The following RTL4 variants were observed in gnomAD, a reference collection of about 807,000 sequenced individuals.
RTL4 encodes retrotransposon Gag like 4, also known as retrotransposon Gag-like protein 4.
RTL4 carries 4 observed loss-of-function variants against 5.3 expected under a neutral mutation model. That is an observed-to-expected ratio of 0.75 (90% CI 0.37 to 1.72). RTL4 has a LOEUF of 1.72. RTL4 is among the 40% of genes most tolerant of loss of function. RTL4 has a pLI of 0.04. For synonymous variants in RTL4, 98 were observed against 87.3 expected, an observed-to-expected ratio of 1.12 and a Z score of -0.68; for missense variants, 260 against 227.1, an observed-to-expected ratio of 1.14 and a Z score of -0.93.
the RTL4 span, among the ~76,000 whole-genome samples, chrX:112,208,913 C>T: frequency 8.9e-6 from 1 of 112,266 alleles, no homozygotes; most frequent in Non-Finnish European, 1.9e-5. Context: ...ACTCTAAGAC[C>T]TTTGTTATCT....
At chrX:112,293,093 C>A in the RTL4 span, among the ~76,000 whole-genome samples, 2 of 112,223 alleles carry the variant, frequency 1.8e-5, no homozygotes, top group Non-Finnish European at 3.8e-5. Flanking sequence ...CTTTGATCTT[C>A]TTCTTATGAT....
the RTL4 span, among the ~76,000 whole-genome samples, chrX:112,234,012 G>GGC: frequency 1.8e-5 from 2 of 109,934 alleles, no homozygotes; most frequent in Admixed American, 1.9e-4. Context: ...CTAACACAGT[G>GGC]AAACCCCGTC....
the RTL4 span, among the ~76,000 whole-genome samples, chrX:112,425,056 G>C: frequency 9.0e-6 from 1 of 111,009 alleles, no homozygotes; most frequent in South Asian, 3.8e-4. Context: ...TAGTTTCACT[G>C]CCCTAAAATC....
the RTL4 span, among the ~76,000 whole-genome samples, chrX:112,145,111 G>C: frequency 5.4e-5 from 6 of 110,935 alleles, no homozygotes; most frequent in African/African-American, 2.0e-4. Flanking sequence ...GTGATGTTTC[G>C]AACTTCTTCA....
At chrX:112,396,560 C>T in the RTL4 span, among the ~76,000 whole-genome samples, 4 of 110,901 alleles carry the variant, frequency 3.6e-5, no homozygotes, top group Admixed American at 9.6e-5. Flanking sequence ...TTTAGACATA[C>T]GGAAAAATTG....
chrX:112,124,336 ATATAAATCATTTTAC>A, the RTL4 span, among the ~76,000 whole-genome samples: 1 of 111,955 alleles, frequency 8.9e-6, no homozygotes. Flanking sequence ...ACCCAAAGTA[ATATAAATCATTTTAC>A]TATAAAGATG....
At chrX:112,120,602 T>G in the RTL4 span, among the ~76,000 whole-genome samples, 1 of 101,019 alleles carries the variant, frequency 9.9e-6, no homozygotes, top group Non-Finnish European at 2.0e-5. Flanking sequence ...TTTTTAGCAC[T>G]TGGAAGATCA....
the RTL4 span, among the ~76,000 whole-genome samples, chrX:112,409,803 A>G: frequency 9.0e-6 from 1 of 111,455 alleles, no homozygotes; most frequent in Non-Finnish European, 1.9e-5. Context: ...ACAGGAAAGA[A>G]GGGAAGAAGG....
chrX:112,310,729 A>T, the RTL4 span, among the ~76,000 whole-genome samples: 1 of 76,227 alleles, frequency 1.3e-5, no homozygotes, highest in South Asian at 6.0e-4. Flanking sequence ...ATTATATATT[A>T]TATATTTATA....
At chrX:112,245,824 C>CT in the RTL4 span, among the ~76,000 whole-genome samples, 1 of 112,401 alleles carries the variant, frequency 8.9e-6, no homozygotes, top group Non-Finnish European at 1.9e-5. Flanking sequence ...TTCTCCCCAT[C>CT]TTTGTGGTTT....
chrX:112,406,079 G>A, the RTL4 span, among the ~76,000 whole-genome samples: 1 of 111,317 alleles, frequency 9.0e-6, no homozygotes, highest in African/African-American at 3.3e-5. Context: ...TGGAACTTGA[G>A]TTCCTGTAAC....
chrX:112,437,386 C>G, the RTL4 span, among the ~76,000 whole-genome samples: 1 of 111,844 alleles, frequency 8.9e-6, no homozygotes, highest in Non-Finnish European at 1.9e-5. Context: ...TAATTTAGTT[C>G]TGTACATTTC....
the RTL4 span, among the ~76,000 whole-genome samples, chrX:112,172,143 G>C: frequency 5.4e-5 from 6 of 112,052 alleles, no homozygotes; most frequent in Non-Finnish European, 1.1e-4. Flanking sequence ...TGGCCAACAT[G>C]GTGAAAACCC....
At chrX:112,095,783 G>T in the RTL4 span, among the ~76,000 whole-genome samples, 1 of 111,488 alleles carries the variant, frequency 9.0e-6, no homozygotes, top group Non-Finnish European at 1.9e-5. Flanking sequence ...GGTGGCTGAG[G>T]TACAGTGGTG....
the RTL4 span, among the ~76,000 whole-genome samples, chrX:112,326,738 G>A: frequency 8.9e-6 from 1 of 111,915 alleles, no homozygotes. Flanking sequence ...AGTAACCTCT[G>A]CAGACTTAAA....
the RTL4 span, among the ~76,000 whole-genome samples, chrX:112,442,188 G>A: frequency 9.0e-6 from 1 of 110,800 alleles, no homozygotes; most frequent in Non-Finnish European, 1.9e-5. Flanking sequence ...TGAATGTGGT[G>A]TCGGTCACCC....
chrX:112,378,665 G>T, the RTL4 span, among the ~76,000 whole-genome samples: 1 of 111,937 alleles, frequency 8.9e-6, no homozygotes, highest in African/African-American at 3.3e-5. Flanking sequence ...TTGGTAAGGT[G>T]ACACTGCCTA....
the RTL4 span, among the ~76,000 whole-genome samples, chrX:112,199,124 T>TA: frequency 1.8e-5 from 2 of 109,445 alleles, no homozygotes; most frequent in Non-Finnish European, 3.8e-5. Flanking sequence ...CTGTCTCTAC[T>TA]AAAAAATAGA....
chrX:112,381,648 T>C, the RTL4 span: 1 of 1,209,568 alleles, frequency 8.3e-7, no homozygotes, highest in Admixed American at 2.2e-5. Context: ...ATTTCAGTGC[T>C]TAAAGCAGCG....
Sources: gnomAD v4.1 joint callset for allele counts (sites outside exome capture counted in the v4.1 genomes callset) on GRCh38, gnomAD v4.1.1 for gene constraint, MANE v1.5 for transcripts, NCBI Gene and HGNC (gene_info 2026-07-23, HGNC 2026-07-21) for gene names.